The following CFAP70 variants were observed in gnomAD, a reference collection of about 807,000 sequenced individuals.
CFAP70 encodes the protein cilia- and flagella-associated protein 70.
In CFAP70, 81 loss-of-function variants were observed where a neutral mutation model predicts 137.6. The ratio of observed to expected loss-of-function variants is 0.59; its 90% CI spans 0.49 to 0.71. CFAP70 has a LOEUF of 0.71. Among genes scored for constraint, CFAP70 ranks in the 30% least tolerant of loss-of-function variants. The probability of loss-of-function intolerance (pLI) is 0.00; values close to 1 mark genes in which losing one functional copy is unlikely to be tolerated. For synonymous variants in CFAP70, 382 were observed against 423.6 expected, an observed-to-expected ratio of 0.90 and a Z score of 1.20; for missense variants, 976 against 1,226.7, an observed-to-expected ratio of 0.80 and a Z score of 3.05.
chr10:73,278,279 C>A (rs565233887), exon 20 of CFAP70: 2 of 1,614,022 alleles, frequency 1.2e-6, no homozygotes, highest in African/African-American at 2.7e-5. Context: ...GTGAATCAGA[C>A]TGCAGTTTGG....
At chr10:73,277,192 GT>G in intron 21 of CFAP70, 47 bp downstream of exon 22, 6 of 1,577,162 alleles carry the variant, frequency 3.8e-6, no homozygotes, top group Non-Finnish European at 5.2e-6. Flanking sequence ...AGAATAAAGA[GT>G]TTGCTAAAAT....
chr10:73,293,499 G>T, intron 15 of CFAP70, 111 bp from the exon 17 acceptor site: 1 of 920,964 alleles, frequency 1.1e-6, no homozygotes, highest in Non-Finnish European at 1.6e-6. Context: ...AAATGTTACT[G>T]ATTGATGTCT....
rs533365196 is a variant in CFAP70 at position 73,339,295 on chromosome 10, C to A, written c.582+2104G>T. Among the ~76,000 whole-genome samples, 357 of 152,240 alleles carry A rather than the reference C, an allele frequency of 2.3e-3. 2 individuals carry two copies. Among genetic ancestry groups the A allele is most frequent in the South Asian group, 7.5e-3 (36 of 4,826 alleles). On this transcript the variant is annotated intron_variant, in intron 6 of 26. Transcript: ENST00000310715. ...CTCCCTTTCACAATTTCCAAGGAAACCTTTTCTTTACTTTTCTAAATGCTT... is the reference window on the plus strand; with the variant it reads ...CTCCCTTTCACAATTTCCAAGGAAAACTTTTCTTTACTTTTCTAAATGCTT...
chr10:73,333,491 A>C (rs1413111131), intron 7 of CFAP70, among the ~76,000 whole-genome samples: 4 of 152,158 alleles, frequency 2.6e-5, no homozygotes, highest in Non-Finnish European at 4.4e-5. Context: ...GCAAAAAAAA[A>C]AATCTTGAAA....
rs1486574559 is a variant in CFAP70 at position 73,273,031 on chromosome 10, GC to G, written c.2836-15del. On this transcript the variant is annotated splice_polypyrimidine_tract_variant and intron_variant, in intron 23 of 26. Coordinates refer to ENST00000310715, the Ensembl canonical transcript of CFAP70. ...TGCCTTTTCATACTGTAGAAAGAAA[GC>G]ACCACTAAGCTACTGTTCTAGAAGC... is the stretch of plus-strand genomic sequence containing the variant. 1 of 1,534,448 alleles carries G rather than the reference GC, an allele frequency of 6.5e-7. No homozygotes were observed. Among genetic ancestry groups the G allele is most frequent in the Admixed American group, 2.0e-5 (1 of 50,986 alleles).
intron 25 of CFAP70, among the ~76,000 whole-genome samples, chr10:73,258,050 T>G (rs1022255570): frequency 3.3e-5 from 5 of 152,064 alleles, no homozygotes; most frequent in Non-Finnish European, 7.4e-5. Context: ...TGTATGTGTC[T>G]TCTTGTATTT....
At chr10:73,259,712 G>A (rs1264478994) in intron 25 of CFAP70, among the ~76,000 whole-genome samples, 1 of 152,144 alleles carries the variant, frequency 6.6e-6, no homozygotes, top group Non-Finnish European at 1.5e-5. Context: ...CTACAATAAG[G>A]AAAAAACTCT....
chr10:73,269,189 G>A (rs190295252), intron 25 of CFAP70, among the ~76,000 whole-genome samples: 1 of 152,104 alleles, frequency 6.6e-6, no homozygotes, highest in East Asian at 1.9e-4. Context: ...GTCTAACTAT[G>A]GGAGAGTTAT....
chr10:73,331,086 A>G, intron 8 of CFAP70, 91 bp downstream of exon 9: 2 of 879,030 alleles, frequency 2.3e-6, no homozygotes, highest in South Asian at 3.1e-5. Flanking sequence ...CTATGTTCAC[A>G]TTTTCTTTTG....
chr10:73,311,700 T>G, intron 11 of CFAP70, 134 bp downstream of exon 12: 8 of 777,224 alleles, frequency 1.0e-5, no homozygotes. Context: ...TTGCCCAAAG[T>G]CATAGACAAC....
At chr10:73,287,829 A>G (rs1484350510) in intron 19 of CFAP70, among the ~76,000 whole-genome samples, 1 of 151,896 alleles carries the variant, frequency 6.6e-6, no homozygotes, top group East Asian at 1.9e-4. Flanking sequence ...TCTAGGGGGG[A>G]AAAATGGACT....
intron 6 of CFAP70, among the ~76,000 whole-genome samples, chr10:73,336,174 T>C (rs1174843614): frequency 1.3e-5 from 2 of 151,772 alleles, no homozygotes; most frequent in Non-Finnish European, 2.9e-5. Flanking sequence ...CTGGCATTGG[T>C]ACTATTTTAA....
At chr10:73,315,974 C>T (rs1162648121) in intron 9 of CFAP70, among the ~76,000 whole-genome samples, 1 of 152,096 alleles carries the variant, frequency 6.6e-6, no homozygotes. Flanking sequence ...GGTTTTGCTT[C>T]AAGTATTATG....
Position 73,353,523 on chromosome 10 carries a change from G to A in CFAP70, c.250+33C>T, listed in dbSNP as rs186587961. 1,081 of 1,590,052 alleles carry A rather than the reference G, an allele frequency of 6.8e-4. 4 individuals carry two copies. In the African/African-American group the frequency reaches 7.8e-3, roughly 12 times the overall value. ...CAACATGATAGGGAAGAAGGCAATCGGGACATTGATTTTTAGAACCACAAG... is the reference window on the plus strand; with the variant it reads ...CAACATGATAGGGAAGAAGGCAATCAGGACATTGATTTTTAGAACCACAAG... On this transcript the variant is annotated intron_variant, in intron 3 of 26. Coordinates refer to ENST00000310715, the Ensembl canonical transcript of CFAP70.
chr10:73,269,550 T>G, intron 25 of CFAP70, 64 bp downstream of exon 26: 1 of 1,139,424 alleles, frequency 8.8e-7, no homozygotes, highest in Non-Finnish European at 1.3e-6. Flanking sequence ...TGCTGCCCCT[T>G]GCTTACTTGA....
intron 20 of CFAP70, 95 bp downstream of exon 21, chr10:73,278,084 A>T (rs1589319261): frequency 7.7e-7 from 1 of 1,297,576 alleles, no homozygotes; most frequent in East Asian, 2.3e-5. Context: ...TATCAACTTC[A>T]AACAAGTCAG....
chr10:73,284,042 C>A (rs1000766677), intron 19 of CFAP70, among the ~76,000 whole-genome samples: 1 of 152,182 alleles, frequency 6.6e-6, no homozygotes, highest in African/African-American at 2.4e-5. Context: ...TAAAACAACA[C>A]AAACATATTA....
At chr10:73,286,300 C>T (rs1464907135) in intron 19 of CFAP70, among the ~76,000 whole-genome samples, 3 of 151,932 alleles carry the variant, frequency 2.0e-5, no homozygotes, top group Non-Finnish European at 2.9e-5. Flanking sequence ...AAAAATTAGC[C>T]GGGCGTGGTG....
At chr10:73,308,080 G>A (rs12244398) in intron 12 of CFAP70, among the ~76,000 whole-genome samples, 16,016 of 151,442 alleles carry the variant, frequency 0.11, 1,229 homozygotes, top group East Asian at 0.3. Flanking sequence ...GCTTGAACCC[G>A]GGAGGCAGAG....
Sources: allele counts gnomAD v4.1 joint callset (sites outside exome capture counted in the v4.1 genomes callset), GRCh38; gene constraint gnomAD v4.1.1; transcripts MANE v1.5; gene names NCBI Gene and HGNC (gene_info 2026-07-23, HGNC 2026-07-21).